Variants in NR3C2 observed in about 807,000 individuals in gnomAD.
NR3C2 encodes the protein mineralocorticoid receptor.
Under a neutral mutation model 86.4 loss-of-function variants are expected in NR3C2, and 15 were observed. The observed-to-expected ratio is 0.17, with a 90% CI of 0.12 to 0.27. The LOEUF (loss-of-function observed/expected upper bound fraction) is 0.27, where lower values mean the gene tolerates loss of function less well. Ranked by LOEUF, NR3C2 falls within the 10% of genes least tolerant of loss-of-function variation. NR3C2 has a pLI of 1.00. For synonymous variants in NR3C2, 458 were observed against 450.5 expected, an observed-to-expected ratio of 1.02 and a Z score of -0.21; for missense variants, 960 against 1,195.6, an observed-to-expected ratio of 0.80 and a Z score of 2.91.
chr4:148,127,995 A>G (rs1201300746), intron 6 of NR3C2, among the ~76,000 whole-genome samples: 1 of 152,202 alleles, frequency 6.6e-6, no homozygotes, highest in Non-Finnish European at 1.5e-5. Context: ...GAATAATGAG[A>G]GTTAGACAAT....
At chr4:148,148,853 T>C (rs1259875977) in intron 6 of NR3C2, among the ~76,000 whole-genome samples, 4 of 152,222 alleles carry the variant, frequency 2.6e-5, no homozygotes, top group African/African-American at 9.6e-5. Context: ...GGATTTTTTT[T>C]CTCTCACTAT....
At chr4:148,274,544 G>GCT (rs201592916) in intron 2 of NR3C2, among the ~76,000 whole-genome samples, 7 of 151,432 alleles carry the variant, frequency 4.6e-5, no homozygotes, top group African/African-American at 9.7e-5. Context: ...CCTCGCTCTT[G>GCT]CTCTCTCTCT....
intron 8 of NR3C2, among the ~76,000 whole-genome samples, chr4:148,097,784 C>A (rs1365025182): frequency 7.5e-6 from 1 of 133,488 alleles, no homozygotes; most frequent in Non-Finnish European, 1.5e-5. Context: ...CATCAGCTGT[C>A]GCTAGTGTTA....
At position 148,295,127 on chromosome 4, in the gene NR3C2, AAGGTAAAAAAGATGGGG is replaced by A. The variant is rs540465893; in HGVS notation, c.1758-35027_1758-35011del. On this transcript the variant is annotated intron_variant, in intron 2 of 8. Transcript: ENST00000358102. Reference sequence around the variant, plus strand: ...ATCTACCAAAATAATGAAAACTACAAAGGTAAAAAAGATGGGGAGGATTTTGTATTTTGCCTGATCTT... The same window carrying A: ...ATCTACCAAAATAATGAAAACTACAAAGGATTTTGTATTTTGCCTGATCTT... Among the ~76,000 whole-genome samples the A allele has an allele frequency of 3.0e-3, 463 of 152,288 alleles. 2 individuals carry two copies. The highest frequency in any genetic ancestry group is 4.9e-3 in the Non-Finnish European group (331 of 68,008).
intron 3 of NR3C2, among the ~76,000 whole-genome samples, chr4:148,250,948 CTTTTTT>C (rs1319945756): frequency 2.6e-5 from 4 of 151,690 alleles, no homozygotes; most frequent in African/African-American, 9.7e-5. Context: ...TTTTCTTTTT[CTTTTTT>C]TTGGGGGGGA....
At chr4:148,193,654 C>A (rs1736307646) in intron 4 of NR3C2, among the ~76,000 whole-genome samples, 1 of 152,108 alleles carries the variant, frequency 6.6e-6, no homozygotes, top group African/African-American at 2.4e-5. Flanking sequence ...GTATTTTTAT[C>A]TTTTAAACCA....
rs1748356485 is a variant in NR3C2 at position 148,405,196 on chromosome 4, T to C, written c.1757+29908A>G. On this transcript the variant is annotated intron_variant, in intron 2 of 8. Transcript: ENST00000358102. ...ATTTGACATGTTATATGTCTTTGTA[T>C]AGAAAGATACACTAGTCTCACCATA... 3.3e-5 allele frequency among the ~76,000 whole-genome samples: 5 copies of C among 152,220 alleles called. No homozygotes were observed. The South Asian group carries it at 1.0e-3, about 32-fold the overall frequency.
intron 3 of NR3C2, chr4:148,208,906 G>GT (rs1737139724): frequency 6.6e-6 from 1 of 152,180 alleles, no homozygotes; most frequent in Non-Finnish European, 1.5e-5. Context: ...ATTACATGGT[G>GT]TTTTTTTCTC....
At chr4:148,256,087 C>G (rs1356524528) in intron 3 of NR3C2, among the ~76,000 whole-genome samples, 1 of 152,174 alleles carries the variant, frequency 6.6e-6, no homozygotes, top group Non-Finnish European at 1.5e-5. Context: ...AGTATTTTCT[C>G]AACTGTGAGA....
intron 2 of NR3C2, among the ~76,000 whole-genome samples, chr4:148,317,939 T>G (rs1000734957): frequency 9.2e-5 from 14 of 151,626 alleles, no homozygotes; most frequent in African/African-American, 3.4e-4. Flanking sequence ...GTTAGTTACA[T>G]ATGTATACAT....
At chr4:148,323,492 G>A (rs1377940430) in intron 2 of NR3C2, among the ~76,000 whole-genome samples, 7 of 148,964 alleles carry the variant, frequency 4.7e-5, no homozygotes, top group South Asian at 2.2e-4. Context: ...CTGCAGCCTT[G>A]CAGTTTGATC....
intron 2 of NR3C2, among the ~76,000 whole-genome samples, chr4:148,350,651 T>TC (rs78717010): frequency 0.3 from 45,228 of 151,940 alleles, 7,295 homozygotes; most frequent in Middle Eastern, 0.41. Context: ...AATGTGCTCC[T>TC]CCTCTGCTTT....
At position 148,206,577 on chromosome 4, in the gene NR3C2, T is replaced by C. The variant is rs150717067; in HGVS notation, c.1898-11715A>G. Among the ~76,000 whole-genome samples, 717 of 152,330 alleles carry C rather than the reference T, an allele frequency of 4.7e-3. 14 individuals carry two copies. Among genetic ancestry groups the C allele is most frequent in the African/African-American group, 0.017 (691 of 41,570 alleles). On this transcript the variant is annotated intron_variant, in intron 3 of 8. Coordinates refer to ENST00000358102, the MANE Select transcript of NR3C2 (RefSeq NM_000901.5). The stretch of plus-strand genomic sequence containing the variant: ...CAGTCTGTTTGAACCAAAATTCTTA[T>C]GCTTATGATGAAAAAGTGATATAAG...
rs1326772299 is a variant in NR3C2 at position 148,323,157 on chromosome 4, C to T, written c.1758-63040G>A. On this transcript the variant is annotated intron_variant, in intron 2 of 8. Transcript: ENST00000358102. ...CCTGCCCTGTGAGGTGTCAGTGTGC[C>T]TCTGCTGGGGGGTGCCTCCCAGTTA... 4.7e-5 allele frequency among the ~76,000 whole-genome samples: 7 copies of T among 149,424 alleles called. No individual in the cohort carries two copies. The East Asian group carries it at 1.0e-3, about 21-fold the overall frequency.
intron 3 of NR3C2, among the ~76,000 whole-genome samples, chr4:148,237,614 C>T: frequency 6.7e-6 from 1 of 149,500 alleles, no homozygotes; most frequent in East Asian, 1.9e-4. Context: ...AATGAATTTA[C>T]ATTCTGCAGC....
intron 2 of NR3C2, among the ~76,000 whole-genome samples, chr4:148,355,480 A>G (rs970707839): frequency 2.0e-5 from 3 of 152,186 alleles, no homozygotes; most frequent in Admixed American, 1.3e-4. Context: ...CTTTTCAGAC[A>G]GCTGACTGCT....
At chr4:148,253,405 C>T (rs1739670650) in intron 3 of NR3C2, among the ~76,000 whole-genome samples, 1 of 152,146 alleles carries the variant, frequency 6.6e-6, no homozygotes, top group African/African-American at 2.4e-5. Context: ...GTAACTAAGA[C>T]TTTTCTGTGT....
At chr4:148,218,367 C>A (rs767842180) in intron 3 of NR3C2, among the ~76,000 whole-genome samples, 3 of 152,064 alleles carry the variant, frequency 2.0e-5, no homozygotes, top group Non-Finnish European at 2.9e-5. Context: ...AAGGAGTCTG[C>A]AAAATCATAG....
intron 4 of NR3C2, among the ~76,000 whole-genome samples, chr4:148,171,981 A>G (rs977416633): frequency 2.6e-5 from 4 of 152,212 alleles, no homozygotes; most frequent in Non-Finnish European, 5.9e-5. Context: ...ATGGAATCCA[A>G]TAATAATTTA....
Sources: gnomAD v4.1 joint callset for allele counts (sites outside exome capture counted in the v4.1 genomes callset) on GRCh38, gnomAD v4.1.1 for gene constraint, MANE v1.5 for transcripts, NCBI Gene and HGNC (gene_info 2026-07-23, HGNC 2026-07-21) for gene names.